Variants in OPCML observed in about 807,000 individuals in gnomAD.
OPCML encodes the protein opioid binding protein/cell adhesion molecule like, also known as opioid-binding protein/cell adhesion molecule.
A neutral mutation model predicts 37.8 loss-of-function variants in OPCML; 13 were observed. That is an observed-to-expected ratio of 0.34 (90% CI 0.22 to 0.55). The LOEUF (loss-of-function observed/expected upper bound fraction) is 0.55, where lower values mean the gene tolerates loss of function less well. Among genes scored for constraint, OPCML ranks in the 20% least tolerant of loss-of-function variants. The pLI, the probability that OPCML is intolerant of heterozygous loss-of-function variation, is 0.91. For missense variants in OPCML, 341 were observed against 435.6 expected, an observed-to-expected ratio of 0.78 and a Z score of 1.93; for synonymous variants, 176 against 168.8, an observed-to-expected ratio of 1.04 and a Z score of -0.33.
At chr11:132,782,939 A>ATC (rs1273176113) in intron 2 of OPCML, among the ~76,000 whole-genome samples, 6 of 146,622 alleles carry the variant, frequency 4.1e-5, no homozygotes, top group Non-Finnish European at 9.0e-5. Flanking sequence ...ATATATATAT[A>ATC]TATATATGTA....
intron 2 of OPCML, among the ~76,000 whole-genome samples, chr11:132,748,199 A>G (rs1343735923): frequency 1.3e-5 from 2 of 152,064 alleles, no homozygotes; most frequent in African/African-American, 2.4e-5. Context: ...ATTTGTTAAG[A>G]CACTAAAACA....
chr11:132,665,823 CT>C (rs1296153527), intron 2 of OPCML, among the ~76,000 whole-genome samples: 1 of 152,140 alleles, frequency 6.6e-6, no homozygotes, highest in Non-Finnish European at 1.5e-5. Context: ...CAAAAAACAT[CT>C]GAAAAGGCAA....
chr11:133,418,521 A>G (rs1313543040), intron 1 of OPCML: 1 of 942,712 alleles, frequency 1.1e-6, no homozygotes, highest in African/African-American at 1.8e-5. Flanking sequence ...CAAAATTATG[A>G]CAGTAGGAGA....
chr11:133,432,123 T>C (rs776882858), intron 1 of OPCML, among the ~76,000 whole-genome samples: 1 of 151,946 alleles, frequency 6.6e-6, no homozygotes. Context: ...AGGGTGAGGA[T>C]TGAAAAACCA....
chr11:133,065,659 C>A, intron 1 of OPCML: 1 of 152,486 alleles, frequency 6.6e-6, no homozygotes, highest in Non-Finnish European at 1.5e-5. Context: ...ACCTCAAGGG[C>A]CTTCTGTCAG....
intron 1 of OPCML, among the ~76,000 whole-genome samples, chr11:133,019,805 G>T (rs551736240): frequency 6.6e-6 from 1 of 152,138 alleles, no homozygotes; most frequent in South Asian, 2.1e-4. Context: ...TGACAGGAAG[G>T]GCCACTCCTG....
chr11:133,024,883 A>C (rs1947521683), intron 1 of OPCML: 2 of 985,420 alleles, frequency 2.0e-6, no homozygotes, highest in African/African-American at 3.5e-5. Flanking sequence ...GATTTTCCAA[A>C]ATAGAGTGCA....
At chr11:133,034,015 CA>C (rs1276448637) in intron 1 of OPCML, among the ~76,000 whole-genome samples, 1 of 152,108 alleles carries the variant, frequency 6.6e-6, no homozygotes, top group Non-Finnish European at 1.5e-5. Flanking sequence ...TTCCTTGATG[CA>C]AAAAATGACT....
intron 1 of OPCML, among the ~76,000 whole-genome samples, chr11:133,520,174 G>A (rs1003580056): frequency 4.6e-5 from 7 of 152,050 alleles, no homozygotes; most frequent in Non-Finnish European, 7.3e-5. Flanking sequence ...GAAGTCCTGC[G>A]GACTTTTGCT....
chr11:133,087,734 T>C (rs1223035457), intron 1 of OPCML, among the ~76,000 whole-genome samples: 1 of 152,236 alleles, frequency 6.6e-6, no homozygotes, highest in East Asian at 1.9e-4. Context: ...ATTTGGAAGA[T>C]GCTGCTCTTG....
intron 2 of OPCML, among the ~76,000 whole-genome samples, chr11:132,916,628 C>T (rs991628255): frequency 7.2e-5 from 11 of 152,046 alleles, no homozygotes; most frequent in Non-Finnish European, 1.6e-4. Context: ...AGAGCTTTGG[C>T]GGCTGAAGGA....
At chr11:133,288,134 A>G (rs997712116) in intron 1 of OPCML, among the ~76,000 whole-genome samples, 3 of 152,206 alleles carry the variant, frequency 2.0e-5, no homozygotes, top group African/African-American at 7.2e-5. Context: ...TGAAGGTGCT[A>G]AAGATGTGAG....
At chr11:133,053,668 CGCTCCAG>C (rs540327436) in intron 1 of OPCML, among the ~76,000 whole-genome samples, 252 of 152,234 alleles carry the variant, frequency 1.7e-3, no homozygotes, top group Middle Eastern at 6.8e-3. Flanking sequence ...TGGGAAAGCA[CGCTCCAG>C]GCTTTTCTTC....
intron 1 of OPCML, among the ~76,000 whole-genome samples, chr11:133,490,498 G>A (rs571983403): frequency 1.3e-5 from 2 of 152,292 alleles, no homozygotes; most frequent in African/African-American, 2.4e-5. Flanking sequence ...GAAGTAAAAC[G>A]AGGGTCAGGA....
chr11:132,573,663 A>G (rs2096443492), intron 3 of OPCML, among the ~76,000 whole-genome samples: 1 of 151,904 alleles, frequency 6.6e-6, no homozygotes, highest in South Asian at 2.1e-4. Flanking sequence ...TTGCATCTAT[A>G]TTGATCAGGA....
At chr11:133,310,906 A>G (rs914672548) in intron 1 of OPCML, among the ~76,000 whole-genome samples, 2 of 152,242 alleles carry the variant, frequency 1.3e-5, no homozygotes, top group African/African-American at 4.8e-5. Context: ...TCTGGAAAAC[A>G]GTGAAATATA....
intron 1 of OPCML, among the ~76,000 whole-genome samples, chr11:132,976,819 T>C (rs1946474212): frequency 1.3e-5 from 2 of 152,312 alleles, no homozygotes; most frequent in Admixed American, 1.3e-4. Flanking sequence ...AAGAAAACAG[T>C]GTTCTTATTT....
At chr11:133,513,026 G>A (rs1044265210) in intron 1 of OPCML, among the ~76,000 whole-genome samples, 16 of 152,062 alleles carry the variant, frequency 1.1e-4, no homozygotes, top group Admixed American at 7.9e-4. Context: ...ACCTTTCAAG[G>A]CATAAAGCTG....
intron 1 of OPCML, among the ~76,000 whole-genome samples, chr11:133,275,267 C>T (rs775355282): frequency 5.3e-5 from 8 of 152,170 alleles, no homozygotes; most frequent in African/African-American, 7.2e-5. Context: ...CTCAGACTTT[C>T]GGGGTTTATA....
Sources: allele counts gnomAD v4.1 joint callset (sites outside exome capture counted in the v4.1 genomes callset), GRCh38; gene constraint gnomAD v4.1.1; transcripts MANE v1.5; gene names NCBI Gene and HGNC (gene_info 2026-07-23, HGNC 2026-07-21).